The following CFAP70 variants were observed in gnomAD, a reference collection of about 807,000 sequenced individuals.
CFAP70 encodes the protein cilia- and flagella-associated protein 70.
In CFAP70, 81 loss-of-function variants were observed where a neutral mutation model predicts 137.6. The observed-to-expected ratio is 0.59, with a 90% CI of 0.49 to 0.71. The LOEUF (loss-of-function observed/expected upper bound fraction) is 0.71. Ranked by LOEUF, CFAP70 falls within the 30% of genes least tolerant of loss-of-function variation. The probability of loss-of-function intolerance (pLI) is 0.00; values close to 1 mark genes in which losing one functional copy is unlikely to be tolerated. For synonymous variants in CFAP70, 382 were observed against 423.6 expected, an observed-to-expected ratio of 0.90 and a Z score of 1.20; for missense variants, 976 against 1,226.7, an observed-to-expected ratio of 0.80 and a Z score of 3.05.
At chr10:73,270,289 A>C (rs1437461430) in intron 24 of CFAP70, among the ~76,000 whole-genome samples, 2 of 152,064 alleles carry the variant, frequency 1.3e-5, no homozygotes, top group Non-Finnish European at 2.9e-5. Context: ...GGGCACGTGG[A>C]AATTGTTGCT....
At chr10:73,258,358 T>C (rs549314989) in intron 25 of CFAP70, among the ~76,000 whole-genome samples, 2 of 152,252 alleles carry the variant, frequency 1.3e-5, no homozygotes, top group Non-Finnish European at 2.9e-5. Context: ...ATTGTGAAGA[T>C]TTCATGGACA....
intron 24 of CFAP70, among the ~76,000 whole-genome samples, chr10:73,270,725 G>A (rs1333440684): frequency 2.0e-5 from 3 of 150,874 alleles, no homozygotes; most frequent in African/African-American, 4.9e-5. Context: ...TAGTACAGAC[G>A]GGGTTTCACC....
chr10:73,291,194 A>C, intron 19 of CFAP70, 32 bp downstream of exon 20: 1 of 1,601,880 alleles, frequency 6.2e-7, no homozygotes, highest in South Asian at 1.1e-5. Flanking sequence ...TTTTTCTAAT[A>C]GCCACTCTTC....
At chr10:73,334,373 G>A (rs1219574624) in intron 7 of CFAP70, among the ~76,000 whole-genome samples, 1 of 152,158 alleles carries the variant, frequency 6.6e-6, no homozygotes, top group Non-Finnish European at 1.5e-5. Flanking sequence ...AAGACAGGCA[G>A]CATGTGTCCT....
At chr10:73,311,693 C>A (rs1037402830) in intron 11 of CFAP70, 141 bp downstream of exon 12, 132 of 729,108 alleles carry the variant, frequency 1.8e-4, no homozygotes, top group Non-Finnish European at 2.9e-4. Flanking sequence ...AAGAAATTTG[C>A]CCAAAGTCAT....
intron 8 of CFAP70, among the ~76,000 whole-genome samples, chr10:73,327,943 C>T (rs911169858): frequency 5.1e-4 from 78 of 152,238 alleles, no homozygotes; most frequent in Non-Finnish European, 7.9e-4. Context: ...AATGCCATCC[C>T]CATCAAGCTA....
intron 22 of CFAP70, chr10:73,274,953 G>C (rs908468576): frequency 5.4e-6 from 1 of 185,882 alleles, no homozygotes; most frequent in Non-Finnish European, 1.1e-5. Flanking sequence ...CCTTTTCTCT[G>C]CTCTTTGCAA....
intron 16 of CFAP70, among the ~76,000 whole-genome samples, chr10:73,293,038 A>C (rs918824994): frequency 6.6e-6 from 1 of 152,048 alleles, no homozygotes; most frequent in Non-Finnish European, 1.5e-5. Flanking sequence ...ATTTTTTGCA[A>C]TTGTTCTAAC....
intron 5 of CFAP70, among the ~76,000 whole-genome samples, chr10:73,342,131 G>T (rs1042255613): frequency 2.6e-5 from 4 of 152,148 alleles, no homozygotes; most frequent in African/African-American, 9.7e-5. Flanking sequence ...ACTTGCAGTA[G>T]AAAATTGGTA....
intron 25 of CFAP70, among the ~76,000 whole-genome samples, chr10:73,258,168 CAATTAT>C (rs1203117647): frequency 6.6e-6 from 1 of 152,160 alleles, no homozygotes; most frequent in African/African-American, 2.4e-5. Flanking sequence ...CATCCAATTA[CAATTAT>C]GAGAGTCTTC....
rs1234645503 is a variant in CFAP70, at chr10:73,357,980, TAAC to T, written c.-40+731_-40+733del. On this transcript the variant is annotated intron_variant, in intron 1 of 26. Coordinates refer to ENST00000310715, the Ensembl canonical transcript of CFAP70. ...GGGTATTCAAAAGACCTTTCCTACT[TAAC>T]AACTATGTGCCCCTAGGCAAATGCC... 2.0e-5 allele frequency among the ~76,000 whole-genome samples: 3 copies of T among 152,266 alleles called. No homozygotes were observed. The East Asian group carries it at 5.8e-4, about 29-fold the overall frequency.
chr10:73,289,125 T>C (rs866261318), intron 19 of CFAP70, among the ~76,000 whole-genome samples: 1 of 152,142 alleles, frequency 6.6e-6, no homozygotes, highest in East Asian at 1.9e-4. Context: ...GGCTCTATTT[T>C]ATATTAAATC....
intron 9 of CFAP70, among the ~76,000 whole-genome samples, chr10:73,314,841 A>G (rs1291225735): frequency 6.6e-6 from 1 of 151,852 alleles, no homozygotes; most frequent in Admixed American, 6.6e-5. Context: ...CCTGGCCTCA[A>G]TGATCTGCCC....
At chr10:73,341,354 C>T in intron 6 of CFAP70, 45 bp downstream of exon 7, 1 of 1,504,442 alleles carries the variant, frequency 6.6e-7, no homozygotes, top group Non-Finnish European at 9.0e-7. Flanking sequence ...TATCATCTGT[C>T]AGTACACTAA....
At chr10:73,292,880 G>A (rs1258105424) in intron 16 of CFAP70, among the ~76,000 whole-genome samples, 1 of 151,918 alleles carries the variant, frequency 6.6e-6, no homozygotes, top group Non-Finnish European at 1.5e-5. Context: ...TCATGCTTCG[G>A]TGTCACGTCT....
intron 5 of CFAP70, among the ~76,000 whole-genome samples, chr10:73,342,948 C>T (rs1589564262): frequency 1.3e-5 from 2 of 151,972 alleles, no homozygotes; most frequent in South Asian, 2.1e-4. Flanking sequence ...CAGTGGCTCA[C>T]GCCTGTAATC....
At chr10:73,261,567 C>A (rs1443822756) in intron 25 of CFAP70, among the ~76,000 whole-genome samples, 1 of 152,120 alleles carries the variant, frequency 6.6e-6, no homozygotes, top group African/African-American at 2.4e-5. Flanking sequence ...ACCAGGAGAA[C>A]AGTGCAGAAA....
At chr10:73,328,537 T>C (rs1240523870) in intron 8 of CFAP70, among the ~76,000 whole-genome samples, 1 of 147,492 alleles carries the variant, frequency 6.8e-6, no homozygotes, top group African/African-American at 2.5e-5. Context: ...GAAACTACCA[T>C]CAGAGTGAAC....
At chr10:73,323,693 G>A (rs940858930) in intron 8 of CFAP70, among the ~76,000 whole-genome samples, 6 of 152,234 alleles carry the variant, frequency 3.9e-5, no homozygotes, top group Admixed American at 1.3e-4. Context: ...CTGGCTTGGA[G>A]GGTCCTATGC....
Sources: gnomAD v4.1 joint callset for allele counts (sites outside exome capture counted in the v4.1 genomes callset) on GRCh38, gnomAD v4.1.1 for gene constraint, MANE v1.5 for transcripts, NCBI Gene and HGNC (gene_info 2026-07-23, HGNC 2026-07-21) for gene names.